Variants in ARHGEF26 observed in about 807,000 individuals in gnomAD.
The protein encoded by ARHGEF26 is Rho guanine nucleotide exchange factor 26.
ARHGEF26 carries 59 observed loss-of-function variants against 89.4 expected under a neutral mutation model. The ratio of observed to expected loss-of-function variants is 0.66; its 90% confidence interval spans 0.54 to 0.82. ARHGEF26 has a LOEUF of 0.82. Ranked by LOEUF, ARHGEF26 falls within the 40% of genes least tolerant of loss-of-function variation. ARHGEF26 has a pLI of 0.00. For synonymous variants in ARHGEF26, 500 were observed against 428.4 expected (o/e 1.17, Z -2.06); for missense variants, 1,234 against 1,085.6 (o/e 1.14, Z -1.92).
chr3:154,211,812 A>C (rs1012251869), intron 9 of ARHGEF26, among the ~76,000 whole-genome samples: 10 of 152,166 alleles, frequency 6.6e-5, no homozygotes, highest in African/African-American at 2.4e-4. Context: ...GCAGAACAAT[A>C]TAAATAGTAT....
intron 3 of ARHGEF26, among the ~76,000 whole-genome samples, chr3:154,129,080 A>C (rs1718516546): frequency 2.0e-5 from 3 of 152,114 alleles, no homozygotes; most frequent in South Asian, 4.1e-4. Flanking sequence ...TGAATTTGAC[A>C]GTTTTTTTAA....
chr3:154,208,548 A>G (rs1407596746), intron 9 of ARHGEF26, among the ~76,000 whole-genome samples: 2 of 151,626 alleles, frequency 1.3e-5, no homozygotes, highest in Non-Finnish European at 2.9e-5. Flanking sequence ...CTCTTTCTCT[A>G]CCTCTTCTTT....
At chr3:154,168,850 A>T (rs1712220748) in intron 6 of ARHGEF26, among the ~76,000 whole-genome samples, 1 of 152,026 alleles carries the variant, frequency 6.6e-6, no homozygotes, top group Non-Finnish European at 1.5e-5. Flanking sequence ...AGAAAGTTTA[A>T]ATTTAAGCTC....
chr3:154,129,760 A>AAT, intron 4 of ARHGEF26, 41 bp downstream of exon 4: 1 of 1,567,356 alleles, frequency 6.4e-7, no homozygotes. Context: ...TAGGAAAAAA[A>AAT]CAAGTTTTGG....
chr3:154,225,359 A>G (rs1301352206), intron 10 of ARHGEF26, among the ~76,000 whole-genome samples: 1 of 152,168 alleles, frequency 6.6e-6, no homozygotes, highest in East Asian at 1.9e-4. Context: ...ATAAGCATGT[A>G]GGTTTTTTTC....
At chr3:154,203,852 T>C (rs1298893447) in intron 9 of ARHGEF26, among the ~76,000 whole-genome samples, 5 of 144,542 alleles carry the variant, frequency 3.5e-5, no homozygotes, top group African/African-American at 8.1e-5. Flanking sequence ...TAATCTCTCT[T>C]TTTTTTTTTT....
chr3:154,133,124 A>G (rs1202551625), intron 4 of ARHGEF26, among the ~76,000 whole-genome samples: 5 of 152,178 alleles, frequency 3.3e-5, no homozygotes, highest in Admixed American at 3.3e-4. Flanking sequence ...TATGCTGAAT[A>G]CTTTTGAAGT....
In ARHGEF26 at chr3:154,256,250, C is replaced by G; in HGVS notation, c.*777C>G. 1.0e-6 allele frequency: 1 copy of G among 985,030 alleles called. No homozygotes were observed. The highest frequency in any genetic ancestry group is 1.2e-6 in the Non-Finnish European group (1 of 829,784). The allele number at this position is 985,030 out of a possible 1,614,324, so 61.0% of individuals were successfully genotyped here. A position where few individuals can be genotyped will look rare whatever the true frequency, so the allele number is the denominator to read the frequency against. ...ATAGGACAGGGGTCCTACTTTTTTC[C>G]CCACCTCTGTCGCCCAGGCTAGAGT... On this transcript the variant is annotated 3_prime_UTR_variant, in exon 15 of 15. Coordinates refer to ENST00000465093, the MANE Select transcript of ARHGEF26 (RefSeq NM_015595.4).
Position 154,166,864 on chromosome 3 carries a change from G to GT in ARHGEF26, c.1487+13933dup, listed in dbSNP as rs141178111. Among the ~76,000 whole-genome samples, 501 of 152,242 alleles carry GT rather than the reference G, an allele frequency of 3.3e-3. 2 individuals are homozygous for GT. Among genetic ancestry groups the GT allele is most frequent in the African/African-American group, 0.011 (475 of 41,556 alleles). ...CCAAAAAGTATGCACTGAGAAACAA[G>GT]TCCCCCTGTATGACTGGTTTGGGGC... On this transcript the variant is annotated intron_variant, in intron 6 of 14. Coordinates refer to ENST00000465093, the MANE Select transcript of ARHGEF26 (RefSeq NM_015595.4).
upstream of ARHGEF26, chr3:154,121,105 A>T (rs1193640219): frequency 6.6e-6 from 1 of 152,242 alleles, no homozygotes; most frequent in Non-Finnish European, 1.5e-5. Flanking sequence ...GCTGCAATTC[A>T]GCAGGGCTCC....
chr3:154,242,660 G>A (rs186165727), intron 12 of ARHGEF26, among the ~76,000 whole-genome samples: 106 of 152,286 alleles, frequency 7.0e-4, no homozygotes, highest in African/African-American at 2.5e-3. Context: ...TTTGCAAGAA[G>A]TTCTGCAGAG....
intron 6 of ARHGEF26, among the ~76,000 whole-genome samples, chr3:154,179,685 A>T (rs1030393045): frequency 2.6e-5 from 4 of 152,166 alleles, no homozygotes; most frequent in African/African-American, 9.7e-5. Context: ...TTGAATCTGG[A>T]ACCATCAGCT....
In ARHGEF26 at chr3:154,123,033, G is replaced by A; in HGVS notation, c.1041G>A (p.Val347=). The A allele has an allele frequency of 1.2e-6, 2 of 1,613,980 alleles. No homozygotes were observed. Among genetic ancestry groups the A allele is most frequent in the Non-Finnish European group, 1.7e-6 (2 of 1,179,880 alleles). Residue 347 remains valine (V), a synonymous_variant, in exon 2 of 15, where the codon GTG becomes GTA. Coordinates refer to ENST00000465093, the MANE Select transcript of ARHGEF26 (RefSeq NM_015595.4). Reference sequence around the variant, plus strand: ...TGTCCCAGCCTGTTCTGAAAGTGGTGATGGAAGACAAGGAGAAGTTTTCCA... The same window carrying A: ...TGTCCCAGCCTGTTCTGAAAGTGGTAATGGAAGACAAGGAGAAGTTTTCCA... ...NRMSQPVLKV[V]MEDKEKFSSL...
chr3:154,241,629 G>T (rs773447378), intron 12 of ARHGEF26, among the ~76,000 whole-genome samples: 1 of 152,200 alleles, frequency 6.6e-6, no homozygotes, highest in Non-Finnish European at 1.5e-5. Flanking sequence ...TTGCAGCAAC[G>T]TCTCCAGTAG....
chr3:154,228,254 C>T (rs1373745572), intron 11 of ARHGEF26, among the ~76,000 whole-genome samples: 1 of 151,608 alleles, frequency 6.6e-6, no homozygotes, highest in Non-Finnish European at 1.5e-5. Context: ...TCTCCTGCCT[C>T]AGCCTCCTGA....
Position 154,122,223 on chromosome 3 carries a change from A to G in ARHGEF26, c.231A>G (p.Val77=), listed in dbSNP as rs755187355. Residue 77 remains valine (V), a synonymous_variant, in exon 2 of 15, where the codon GTA becomes GTG. Transcript: ENST00000465093. ...CCACCGCCTCGGACAGCAGGACGGT[A>G]CATAGGAGCCCCCTGCTTCTGGGCG... ...QVPTASDSRT[V]HRSPLLLGAQ... is the part of the protein sequence containing the mutation. The G allele has an allele frequency of 3.7e-6, 6 of 1,608,950 alleles. No homozygotes were observed. The Admixed American group carries it at 8.4e-5, about 23-fold the overall frequency.
chr3:154,174,035 T>C (rs1478309188), intron 6 of ARHGEF26, among the ~76,000 whole-genome samples: 1 of 152,196 alleles, frequency 6.6e-6, no homozygotes, highest in African/African-American at 2.4e-5. Context: ...TACTTTATGT[T>C]ATTTAATCCA....
Position 154,246,184 on chromosome 3 carries a change from T to C in ARHGEF26, c.2300+5605T>C, listed in dbSNP as rs115353456. 4.8e-3 allele frequency among the ~76,000 whole-genome samples: 726 copies of C among 152,200 alleles called. 5 individuals carry two copies. Among genetic ancestry groups the C allele is most frequent in the African/African-American group, 0.017 (687 of 41,512 alleles). ...AAAGACCTCTCTTAAGAGGTGATAT[T>C]TGAGCCTTGAGTGAAAAGGAGGAGT... On this transcript the variant is annotated intron_variant, in intron 12 of 14. Coordinates refer to ENST00000465093, the MANE Select transcript of ARHGEF26 (RefSeq NM_015595.4).
At chr3:154,130,064 T>C (rs1040718444) in intron 4 of ARHGEF26, among the ~76,000 whole-genome samples, 2 of 152,158 alleles carry the variant, frequency 1.3e-5, no homozygotes, top group African/African-American at 4.8e-5. Flanking sequence ...TTTATGTATG[T>C]ATGCGTGTAT....
Sources: allele counts gnomAD v4.1 joint callset (sites outside exome capture counted in the v4.1 genomes callset), GRCh38; gene constraint gnomAD v4.1.1; transcripts MANE v1.5; gene names NCBI Gene and HGNC (gene_info 2026-07-23, HGNC 2026-07-21).